The following ALK variants were observed in gnomAD, a reference collection of about 807,000 sequenced individuals.
ALK encodes the protein ALK receptor tyrosine kinase, also known as ALK tyrosine kinase receptor.
A neutral mutation model predicts 163.1 loss-of-function variants in ALK; 74 were observed. The ratio of observed to expected loss-of-function variants is 0.45; its 90% CI spans 0.38 to 0.55. The LOEUF is 0.55. Among genes scored for constraint, ALK ranks in the 20% least tolerant of loss-of-function variants. The probability of loss-of-function intolerance (pLI) is 0.00; values close to 1 mark genes in which losing one functional copy is unlikely to be tolerated. For synonymous variants in ALK, 960 were observed against 843.2 expected (o/e 1.14, Z -2.40); for missense variants, 2,063 against 2,105.3 (o/e 0.98, Z 0.39).
At chr2:29,522,774 T>C (rs997074946) in intron 4 of ALK, among the ~76,000 whole-genome samples, 2 of 152,196 alleles carry the variant, frequency 1.3e-5, no homozygotes, top group African/African-American at 4.8e-5. Flanking sequence ...CAACAGGCCA[T>C]TCCTGGAGTC....
chr2:29,438,550 A>C (rs1670459683), intron 4 of ALK, among the ~76,000 whole-genome samples: 1 of 152,242 alleles, frequency 6.6e-6, no homozygotes, highest in Admixed American at 6.5e-5. Context: ...CATGAGATTC[A>C]AACATTTTAA....
chr2:29,821,043 G>A (rs1558503123), intron 1 of ALK, among the ~76,000 whole-genome samples: 1 of 152,196 alleles, frequency 6.6e-6, no homozygotes, highest in Non-Finnish European at 1.5e-5. Context: ...TTGCCCGAGT[G>A]AGGGCGGGTG....
chr2:29,874,241 C>T (rs1032093543), intron 1 of ALK, among the ~76,000 whole-genome samples: 2 of 151,654 alleles, frequency 1.3e-5, no homozygotes, highest in South Asian at 2.1e-4. Context: ...CTGGTCCCCA[C>T]CCCACCCCCG....
chr2:29,485,069 T>C lies in ALK; in HGVS notation c.1154+46846A>G, dbSNP rs115214400. On this transcript the variant is annotated intron_variant, in intron 4 of 28. Coordinates refer to ENST00000389048, the MANE Select transcript of ALK (RefSeq NM_004304.5). ...AGTGAACCTTTTATCTAAATAATTCTGCCCTTCTTCGGTTCCAGAAAATAC... is the reference window on the plus strand; with the variant it reads ...AGTGAACCTTTTATCTAAATAATTCCGCCCTTCTTCGGTTCCAGAAAATAC... Among the ~76,000 whole-genome samples, 1,521 of 152,356 alleles carry C rather than the reference T, an allele frequency of 1.0e-2. 26 individuals carry two copies. The highest frequency in any genetic ancestry group is 0.034 in the African/African-American group (1,405 of 41,582).
In ALK at chr2:29,576,588, C is replaced by T. The variant is rs144032635; in HGVS notation, c.953-44472G>A. Among the ~76,000 whole-genome samples the T allele has an allele frequency of 1.3e-3, 200 of 152,296 alleles. 1 individual carries two copies. The highest frequency in any genetic ancestry group is 3.3e-3 in the African/African-American group (137 of 41,568). ...ATTGCAGATGCCTCTGACAGCCATG[C>T]TAGCAGGTCCTCTGGAGCACAGGTC... On this transcript the variant is annotated intron_variant, in intron 3 of 28. Transcript: ENST00000389048.
intron 1 of ALK, among the ~76,000 whole-genome samples, chr2:29,721,850 G>C (rs1368431068): frequency 6.6e-6 from 1 of 152,226 alleles, no homozygotes; most frequent in Non-Finnish European, 1.5e-5. Flanking sequence ...CCTTTACTCT[G>C]CTCTTCTTTA....
intron 4 of ALK, among the ~76,000 whole-genome samples, chr2:29,515,435 G>C (rs1277114462): frequency 6.6e-6 from 1 of 152,116 alleles, no homozygotes; most frequent in Non-Finnish European, 1.5e-5. Flanking sequence ...CATAATAGAG[G>C]AATTCGTATT....
intron 1 of ALK, among the ~76,000 whole-genome samples, chr2:29,843,089 A>C (rs1572428133): frequency 6.6e-6 from 1 of 152,190 alleles, no homozygotes; most frequent in East Asian, 1.9e-4. Flanking sequence ...GGTAAGGGTG[A>C]TTGGGTAAGA....
intron 9 of ALK, among the ~76,000 whole-genome samples, chr2:29,284,842 G>A (rs1462174062): frequency 6.6e-6 from 1 of 152,140 alleles, no homozygotes; most frequent in Non-Finnish European, 1.5e-5. Context: ...CACATCGTGT[G>A]CTGAGCCACC....
At chr2:29,337,695 G>A (rs1407447218) in intron 5 of ALK, among the ~76,000 whole-genome samples, 2 of 152,092 alleles carry the variant, frequency 1.3e-5, no homozygotes, top group African/African-American at 4.8e-5. Flanking sequence ...CCTCGCAGAG[G>A]AATTCCAAGA....
intron 3 of ALK, among the ~76,000 whole-genome samples, chr2:29,605,277 G>A (rs1675512047): frequency 6.6e-6 from 1 of 152,206 alleles, no homozygotes; most frequent in African/African-American, 2.4e-5. Context: ...AGGAGGTGGA[G>A]CTCAGGTGGT....
At chr2:29,814,781 T>G (rs1664852062) in intron 1 of ALK, among the ~76,000 whole-genome samples, 1 of 152,042 alleles carries the variant, frequency 6.6e-6, no homozygotes, top group East Asian at 1.9e-4. Context: ...TGAGCTTCAG[T>G]TTCCTCCTAT....
chr2:29,910,254 T>G (rs962727836), intron 1 of ALK, among the ~76,000 whole-genome samples: 3 of 152,016 alleles, frequency 2.0e-5, no homozygotes, highest in African/African-American at 7.2e-5. Flanking sequence ...GCTGGTTTAT[T>G]AGCACATTAG....
intron 1 of ALK, among the ~76,000 whole-genome samples, chr2:29,849,713 C>G (rs927796433): frequency 1.3e-5 from 2 of 152,146 alleles, no homozygotes; most frequent in Admixed American, 6.5e-5. Context: ...GCCAGTTTTG[C>G]TGGTACCTGG....
chr2:29,291,946 A>G (rs1200576585), intron 9 of ALK, among the ~76,000 whole-genome samples: 1 of 152,228 alleles, frequency 6.6e-6, no homozygotes, highest in Admixed American at 6.5e-5. Context: ...CGGTGATAAA[A>G]ATTGAATAGA....
intron 1 of ALK, among the ~76,000 whole-genome samples, chr2:29,853,106 A>G (rs1172516111): frequency 6.6e-6 from 1 of 152,192 alleles, no homozygotes; most frequent in Admixed American, 6.5e-5. Flanking sequence ...AAACTCATAA[A>G]CTAGCAGTTG....
At chr2:29,783,554 T>A (rs569405056) in intron 1 of ALK, among the ~76,000 whole-genome samples, 2 of 152,206 alleles carry the variant, frequency 1.3e-5, no homozygotes. Flanking sequence ...GCTGAGTGAC[T>A]GTAAATTTTT....
At chr2:29,385,131 T>C (rs1347555127) in intron 4 of ALK, among the ~76,000 whole-genome samples, 5 of 152,100 alleles carry the variant, frequency 3.3e-5, no homozygotes, top group Admixed American at 3.3e-4. Context: ...TTTTTTTTTT[T>C]TTACCAGTAG....
At chr2:29,664,956 C>G (rs1677464770) in intron 3 of ALK, among the ~76,000 whole-genome samples, 1 of 151,924 alleles carries the variant, frequency 6.6e-6, no homozygotes, top group African/African-American at 2.4e-5. Context: ...AAAAATCTAG[C>G]CTTCCATTGA....
Sources: allele counts gnomAD v4.1 joint callset (sites outside exome capture counted in the v4.1 genomes callset), GRCh38; gene constraint gnomAD v4.1.1; transcripts MANE v1.5; gene names NCBI Gene and HGNC (gene_info 2026-07-23, HGNC 2026-07-21).